FAM53B: variants seen among roughly 807,000 people sequenced by gnomAD.
FAM53B encodes family with sequence similarity 53 member B.
In FAM53B, 12 loss-of-function variants were observed where a neutral mutation model predicts 32.7. The ratio of observed to expected loss-of-function variants is 0.37; its 90% CI spans 0.24 to 0.59. FAM53B has a LOEUF of 0.59. FAM53B is among the 20% of genes least tolerant of loss of function. The pLI, the probability that FAM53B is intolerant of heterozygous loss-of-function variation, is 0.72. For synonymous variants in FAM53B, 234 were observed against 228.7 expected (o/e 1.02, Z -0.21); for missense variants, 477 against 577.7 (o/e 0.83, Z 1.79).
chr10:124,683,498 G>C (rs755501136), intron 3 of FAM53B, among the ~76,000 whole-genome samples: 2 of 152,148 alleles, frequency 1.3e-5, no homozygotes, highest in Admixed American at 1.3e-4. Context: ...AATGCACGCC[G>C]GGTCTCTCAG....
chr10:124,692,714 C>CAAAAAAAAA (rs5788679), intron 3 of FAM53B, among the ~76,000 whole-genome samples: 1 of 69,058 alleles, frequency 1.4e-5, no homozygotes, highest in African/African-American at 6.6e-5. Flanking sequence ...TACTCCATCT[C>CAAAAAAAAA]AAAAAAAAAA....
intron 2 of FAM53B, chr10:124,703,615 C>T (rs1183186616): frequency 3.3e-5 from 5 of 152,484 alleles, no homozygotes; most frequent in African/African-American, 1.2e-4. Flanking sequence ...AGCCCATCTC[C>T]AACAGGGCTG....
At chr10:124,715,832 G>C (rs2134092931) in intron 1 of FAM53B, among the ~76,000 whole-genome samples, 1 of 152,340 alleles carries the variant, frequency 6.6e-6, no homozygotes, top group African/African-American at 2.4e-5. Context: ...AAGTTAAGGA[G>C]GTAACGCCCT....
chr10:124,708,256 AATC>A (rs1357081138), intron 1 of FAM53B, among the ~76,000 whole-genome samples: 24 of 152,218 alleles, frequency 1.6e-4, no homozygotes, highest in Non-Finnish European at 3.5e-4. Flanking sequence ...CCAGATTGTA[AATC>A]ATGTTTTCCT....
At chr10:124,728,081 T>C (rs865968098) in intron 1 of FAM53B, among the ~76,000 whole-genome samples, 98 of 152,180 alleles carry the variant, frequency 6.4e-4, no homozygotes, top group African/African-American at 2.3e-3. Flanking sequence ...AGTTTCATCT[T>C]GGTTTGAAGA....
At chr10:124,677,393 A>G (rs925708880) in intron 4 of FAM53B, among the ~76,000 whole-genome samples, 23 of 152,332 alleles carry the variant, frequency 1.5e-4, no homozygotes, top group African/African-American at 5.3e-4. Flanking sequence ...GGAGGGCCAA[A>G]AACACCACGT....
At chr10:124,654,231 T>C (rs752380782) in intron 4 of FAM53B, among the ~76,000 whole-genome samples, 1 of 152,234 alleles carries the variant, frequency 6.6e-6, no homozygotes, top group Non-Finnish European at 1.5e-5. Flanking sequence ...CGAAGTGCGA[T>C]TGTCATCGTC....
At chr10:124,624,502 C>A (rs1016007896) in intron 4 of FAM53B, among the ~76,000 whole-genome samples, 9 of 152,306 alleles carry the variant, frequency 5.9e-5, no homozygotes, top group Non-Finnish European at 1.0e-4. Flanking sequence ...TCCCTGCCTG[C>A]CTTGCTGGGC....
intron 3 of FAM53B, among the ~76,000 whole-genome samples, chr10:124,692,629 C>T (rs1278926447): frequency 2.1e-5 from 3 of 144,488 alleles, no homozygotes; most frequent in Non-Finnish European, 3.0e-5. Context: ...GCAGAAGAAT[C>T]GCTTGAACCC....
intron 4 of FAM53B, chr10:124,667,514 T>C: frequency 1.4e-6 from 1 of 713,738 alleles, no homozygotes; most frequent in South Asian, 1.5e-5. Context: ...GGCCTGGCAC[T>C]CCACCTGTGT....
chr10:124,669,273 G>C (rs972950201), intron 4 of FAM53B, among the ~76,000 whole-genome samples: 5 of 152,242 alleles, frequency 3.3e-5, no homozygotes, highest in African/African-American at 1.2e-4. Flanking sequence ...CAGAGCACCA[G>C]ATCACTGGGC....
At chr10:124,631,141 C>T (rs1050439672) in intron 4 of FAM53B, among the ~76,000 whole-genome samples, 4 of 152,228 alleles carry the variant, frequency 2.6e-5, no homozygotes, top group Admixed American at 6.5e-5. Flanking sequence ...CTTGGCCTTG[C>T]TGTCCCCGCT....
intron 2 of FAM53B, among the ~76,000 whole-genome samples, chr10:124,701,794 C>G (rs533391466): frequency 9.8e-5 from 15 of 152,352 alleles, no homozygotes; most frequent in South Asian, 4.1e-4. Context: ...CCATCTCCCC[C>G]CAGGCAGGTG....
intron 3 of FAM53B, among the ~76,000 whole-genome samples, chr10:124,694,314 T>C (rs1425070759): frequency 1.3e-5 from 2 of 152,194 alleles, no homozygotes; most frequent in African/African-American, 4.8e-5. Context: ...GCCTCCCCGG[T>C]AGAAAGCAGG....
intron 2 of FAM53B, among the ~76,000 whole-genome samples, chr10:124,698,922 A>AC (rs937371050): frequency 1.3e-5 from 2 of 152,018 alleles, no homozygotes; most frequent in Admixed American, 1.3e-4. Context: ...CAACCTGAGT[A>AC]CCCCCAACCT....
intron 1 of FAM53B, among the ~76,000 whole-genome samples, chr10:124,712,113 G>A (rs187850284): frequency 8.2e-4 from 125 of 152,168 alleles, no homozygotes; most frequent in Admixed American, 2.8e-3. Flanking sequence ...CCAGCACTAC[G>A]GGAGACTGAC....
At chr10:124,645,282 T>C (rs1029418045) in intron 4 of FAM53B, among the ~76,000 whole-genome samples, 12 of 152,194 alleles carry the variant, frequency 7.9e-5, no homozygotes, top group Non-Finnish European at 1.3e-4. Flanking sequence ...ACTGGGAAAA[T>C]CCCTTCTTCT....
intron 4 of FAM53B, among the ~76,000 whole-genome samples, chr10:124,669,736 A>T (rs1949695410): frequency 6.6e-6 from 1 of 152,176 alleles, no homozygotes; most frequent in African/African-American, 2.4e-5. Context: ...ATGGGGGCCC[A>T]CGGGCTGTCG....
intron 4 of FAM53B, among the ~76,000 whole-genome samples, chr10:124,658,782 G>A (rs1949611643): frequency 6.6e-6 from 1 of 152,188 alleles, no homozygotes; most frequent in African/African-American, 2.4e-5. Context: ...GGAACACCAA[G>A]GCCACGTTCC....
Sources: gnomAD v4.1 joint callset for allele counts (sites outside exome capture counted in the v4.1 genomes callset) on GRCh38, gnomAD v4.1.1 for gene constraint, MANE v1.5 for transcripts, NCBI Gene and HGNC (gene_info 2026-07-23, HGNC 2026-07-21) for gene names.